The following ADAMTS17 variants were observed in gnomAD, a reference collection of about 807,000 sequenced individuals.
The protein encoded by ADAMTS17 is ADAM metallopeptidase with thrombospondin type 1 motif 17.
In ADAMTS17, 113 loss-of-function variants were observed where a neutral mutation model predicts 141.5. The ratio of observed to expected loss-of-function variants is 0.80; its 90% confidence interval spans 0.69 to 0.93. The LOEUF (loss-of-function observed/expected upper bound fraction) is 0.93, where lower values mean the gene tolerates loss of function less well. Ranked by LOEUF, ADAMTS17 falls within the 40% of genes least tolerant of loss-of-function variation. The pLI is 0.00. For missense variants in ADAMTS17, 1,659 were observed against 1,517.9 expected, an observed-to-expected ratio of 1.09 and a Z score of -1.54; for synonymous variants, 768 against 630.6, an observed-to-expected ratio of 1.22 and a Z score of -3.27.
chr15:100,189,170 T>C (rs776325842), intron 8 of ADAMTS17, among the ~76,000 whole-genome samples: 2 of 152,232 alleles, frequency 1.3e-5, no homozygotes, highest in African/African-American at 4.8e-5. Context: ...CGAGTTGAAG[T>C]CCTAGGGTGC....
intron 7 of ADAMTS17, among the ~76,000 whole-genome samples, chr15:100,208,315 T>C (rs560908897): frequency 1.3e-5 from 2 of 152,296 alleles, no homozygotes; most frequent in East Asian, 3.9e-4. Context: ...TCTTTTTACC[T>C]TGACTCATTC....
chr15:100,059,440 A>G (rs765559283), intron 15 of ADAMTS17, among the ~76,000 whole-genome samples: 7 of 146,284 alleles, frequency 4.8e-5, no homozygotes, highest in Admixed American at 6.7e-5. Context: ...GGAGGTCAGC[A>G]GAGCCAGGAG....
chr15:99,993,200 A>T lies in ADAMTS17; in HGVS notation c.2797T>A (p.Cys933Ser). The T allele has an allele frequency of 6.2e-7, 1 of 1,614,186 alleles. No homozygotes were observed. Among genetic ancestry groups the T allele is most frequent in the Non-Finnish European group, 8.5e-7 (1 of 1,180,032 alleles). The change falls in exon 20 of 22, where the codon TGC (cysteine) becomes AGC (serine). Residue 933 changes from cysteine to serine, a missense_variant and splice_region_variant. Transcript: ENST00000268070. The surrounding 1 kb of genome is among the most constrained non-coding windows in gnomAD (Gnocchi z 4.3). ...SIWEASEWSQ[C>S]SASCGKGVWK... is the part of the protein sequence containing the mutation. ...ACCCCTTTACCACAGCTGGCAGAGC[A>T]CTGCAAGACACCATTCAAATATTTA...
intron 8 of ADAMTS17, among the ~76,000 whole-genome samples, chr15:100,157,061 G>A (rs2039469129): frequency 6.6e-6 from 1 of 152,232 alleles, no homozygotes; most frequent in Admixed American, 6.5e-5. Context: ...TTCAAATGGT[G>A]GCAGGGGAGA....
intron 7 of ADAMTS17, among the ~76,000 whole-genome samples, chr15:100,238,264 C>T (rs1203305400): frequency 6.6e-6 from 1 of 152,254 alleles, no homozygotes; most frequent in Non-Finnish European, 1.5e-5. Flanking sequence ...AGCCCCTCCA[C>T]TTCCCACCCT....
intron 4 of ADAMTS17, among the ~76,000 whole-genome samples, chr15:100,267,972 T>C (rs1318054265): frequency 6.6e-6 from 1 of 152,222 alleles, no homozygotes; most frequent in Non-Finnish European, 1.5e-5. Context: ...TCCATTTTTG[T>C]AACTATTTTA....
chr15:99,978,897 G>A (rs541860229), intron 20 of ADAMTS17: 2 of 152,344 alleles, frequency 1.3e-5, no homozygotes, highest in East Asian at 3.9e-4. Context: ...GAGGGCCTCC[G>A]ACTTAACCTG....
chr15:100,085,351 C>A (rs1414252490), intron 15 of ADAMTS17, among the ~76,000 whole-genome samples: 1 of 141,596 alleles, frequency 7.1e-6, no homozygotes, highest in Non-Finnish European at 1.5e-5. Context: ...TGTGAAAAGA[C>A]CAAATCTACA....
intron 8 of ADAMTS17, among the ~76,000 whole-genome samples, chr15:100,193,949 C>A (rs999994020): frequency 1.3e-5 from 2 of 152,220 alleles, no homozygotes; most frequent in Non-Finnish European, 2.9e-5. Flanking sequence ...GGAGACCTCC[C>A]GTGGTTTGGG....
At chr15:100,083,739 G>A (rs1323317357) in intron 15 of ADAMTS17, among the ~76,000 whole-genome samples, 1 of 149,930 alleles carries the variant, frequency 6.7e-6, no homozygotes, top group Non-Finnish European at 1.5e-5. Flanking sequence ...CCAGGCAGTT[G>A]TGTGGTCATC....
intron 18 of ADAMTS17, among the ~76,000 whole-genome samples, chr15:100,000,568 C>T (rs1223370780): frequency 2.6e-5 from 4 of 152,206 alleles, no homozygotes; most frequent in Non-Finnish European, 5.9e-5. Flanking sequence ...GGCTGGAGCG[C>T]AATGGCACGA....
At position 99,976,180 on chromosome 15, in the gene ADAMTS17, G is replaced by T; in HGVS notation, c.2992C>A (p.Gln998Lys). ...CGKGLQSRVVQCMHKVTGRHG... is the reference protein window; with the variant it reads ...CGKGLQSRVVKCMHKVTGRHG... ...CGCCCTGTGACCTTGTGCATGCACTGCACCACCCGGGACTGCAGGCCCTTC... is the reference window on the plus strand; with the variant it reads ...CGCCCTGTGACCTTGTGCATGCACTTCACCACCCGGGACTGCAGGCCCTTC... Residue 998 changes from glutamine to lysine, a missense_variant, in exon 21 of 22, where the codon CAG (glutamine) becomes AAG (lysine). By Grantham distance (53) the Gln-to-Lys change is moderately conservative (BLOSUM62 1). Transcript: ENST00000268070. 1 of 1,549,710 alleles carries T rather than the reference G, an allele frequency of 6.5e-7. No homozygotes were observed.
At position 100,053,624 on chromosome 15, in the gene ADAMTS17, CTTT is replaced by C. The variant is rs747910716; in HGVS notation, c.2295+270_2295+272del. Among the ~76,000 whole-genome samples, 78 of 152,324 alleles carry C rather than the reference CTTT, an allele frequency of 5.1e-4. 2 individuals carry two copies. The highest frequency in any genetic ancestry group is 3.4e-3 in the Middle Eastern group (1 of 294). On this transcript the variant is annotated intron_variant, in intron 16 of 21. Coordinates refer to ENST00000268070, the MANE Select transcript of ADAMTS17 (RefSeq NM_139057.4). ...CATCCACGTGGCTAAGCATTTCCTT[CTTT>C]GAGGCAGCTCCTTTTGAAAAAGATA...
chr15:100,222,700 T>C (rs1394894326), intron 7 of ADAMTS17, among the ~76,000 whole-genome samples: 2 of 152,212 alleles, frequency 1.3e-5, no homozygotes, highest in Non-Finnish European at 2.9e-5. Context: ...TGAGGGGTCA[T>C]GCCTGGACAG....
At position 99,974,419 on chromosome 15, in the gene ADAMTS17, G is replaced by GC; in HGVS notation, c.3270dup (p.Pro1091AlafsTer48). The GC allele has an allele frequency of 6.2e-7, 1 of 1,614,174 alleles. No homozygotes were observed. Among genetic ancestry groups the GC allele is most frequent in the Non-Finnish European group, 8.5e-7 (1 of 1,180,034 alleles). On this transcript the variant is annotated frameshift_variant, in exon 22 of 22. Transcript: ENST00000268070. LOFTEE classifies it high-confidence loss of function. ...ACTGCGTGTCACGAGTTCGGCGGTGGCTGGCGCATCTTGTTTGCATAGAAG... is the reference window on the plus strand; with the variant it reads ...ACTGCGTGTCACGAGTTCGGCGGTGGCCTGGCGCATCTTGTTTGCATAGAAG...
At chr15:100,079,597 T>C (rs1240475915) in intron 15 of ADAMTS17, among the ~76,000 whole-genome samples, 2 of 152,212 alleles carry the variant, frequency 1.3e-5, no homozygotes, top group African/African-American at 4.8e-5. Flanking sequence ...ATGACTGTGG[T>C]GATATGGCAC....
At position 99,973,835 on chromosome 15, in the gene ADAMTS17, C is replaced by T. The variant is rs2573649; in HGVS notation, c.*567G>A. 9.5e-4 allele frequency: 178 copies of T among 186,588 alleles called. 9 individuals carry two copies. The South Asian group carries it at 0.02, about 20-fold the overall frequency. 11.6% of individuals were successfully genotyped at this position (186,588 alleles called of 1,614,324 possible). A position where few individuals can be genotyped will look rare whatever the true frequency, so the allele number is the denominator to read the frequency against. On this transcript the variant is annotated 3_prime_UTR_variant, in exon 22 of 22. Transcript: ENST00000268070. ...ACACCTAGGATTTAGAGACTATGTTCTCAGAGACGGGCATGGAGGCAACGT... is the reference window on the plus strand; with the variant it reads ...ACACCTAGGATTTAGAGACTATGTTTTCAGAGACGGGCATGGAGGCAACGT...
chr15:100,058,731 C>A (rs906191084), intron 15 of ADAMTS17, among the ~76,000 whole-genome samples: 5 of 152,284 alleles, frequency 3.3e-5, no homozygotes, highest in Admixed American at 2.6e-4. Flanking sequence ...AGCCTGCCAT[C>A]CTCTGATCAC....
chr15:100,197,131 C>G (rs2041150468), intron 8 of ADAMTS17, among the ~76,000 whole-genome samples: 1 of 152,198 alleles, frequency 6.6e-6, no homozygotes, highest in African/African-American at 2.4e-5. Context: ...CACACTCGAA[C>G]AGGTCATCAG....
Sources: allele counts gnomAD v4.1 joint callset (sites outside exome capture counted in the v4.1 genomes callset), GRCh38; gene constraint gnomAD v4.1.1; non-coding constraint Gnocchi (gnomAD v3.1); transcripts MANE v1.5; gene names NCBI Gene and HGNC (gene_info 2026-07-23, HGNC 2026-07-21).